The following ADK variants were observed in gnomAD, a reference collection of about 807,000 sequenced individuals.
ADK encodes the protein adenosine kinase.
In ADK, 24 loss-of-function variants were observed where a neutral mutation model predicts 44.7. The ratio of observed to expected loss-of-function variants is 0.54; its 90% CI spans 0.39 to 0.76. The LOEUF is 0.76. Ranked by LOEUF, ADK falls within the 30% of genes least tolerant of loss-of-function variation. ADK has a pLI of 0.00. For missense variants in ADK, 321 were observed against 425.1 expected (o/e 0.76, Z 2.15); for synonymous variants, 128 against 142.6 (o/e 0.90, Z 0.73).
At chr10:74,388,067 C>A (rs991485723) in intron 4 of ADK, among the ~76,000 whole-genome samples, 1 of 152,044 alleles carries the variant, frequency 6.6e-6, no homozygotes, top group African/African-American at 2.4e-5. Context: ...CGCCACTATG[C>A]CTGGTTAATT....
chr10:74,175,665 C>T (rs577532859), intron 1 of ADK, among the ~76,000 whole-genome samples: 2 of 151,990 alleles, frequency 1.3e-5, no homozygotes, highest in African/African-American at 2.4e-5. Flanking sequence ...GTCGTTCACA[C>T]CTATATTCCC....
chr10:74,159,144 T>C (rs988671622), intron 1 of ADK, among the ~76,000 whole-genome samples: 1 of 152,268 alleles, frequency 6.6e-6, no homozygotes, highest in African/African-American at 2.4e-5. Context: ...ACACTTCAGA[T>C]CTAGAAGCAA....
chr10:74,168,555 A>AG (rs1482215313), intron 1 of ADK, among the ~76,000 whole-genome samples: 2 of 148,194 alleles, frequency 1.3e-5, no homozygotes, highest in African/African-American at 5.1e-5. Flanking sequence ...AAAAAAAGAA[A>AG]GAAAGAAAAA....
chr10:74,388,025 C>T (rs966477289), intron 4 of ADK, among the ~76,000 whole-genome samples: 1 of 152,176 alleles, frequency 6.6e-6, no homozygotes, highest in Admixed American at 6.5e-5. Context: ...CTCCTTACCT[C>T]AGCCTCCTGA....
chr10:74,232,745 C>T (rs1471037447), intron 3 of ADK, among the ~76,000 whole-genome samples: 1 of 152,152 alleles, frequency 6.6e-6, no homozygotes, highest in African/African-American at 2.4e-5. Context: ...CCTGCCTCAG[C>T]TTCCCAAGTA....
At chr10:74,629,345 G>T (rs1385853322) in intron 9 of ADK, among the ~76,000 whole-genome samples, 1 of 152,030 alleles carries the variant, frequency 6.6e-6, no homozygotes, top group African/African-American at 2.4e-5. Flanking sequence ...CCCTTGTCAG[G>T]ACTAGCTTAG....
intron 3 of ADK, among the ~76,000 whole-genome samples, chr10:74,231,218 T>C (rs2132266610): frequency 6.6e-6 from 1 of 152,350 alleles, no homozygotes; most frequent in East Asian, 1.9e-4. Context: ...GTCAGCTTGA[T>C]ACAAAAGCTC....
chr10:74,184,766 C>G (rs1007150318), intron 1 of ADK, among the ~76,000 whole-genome samples: 1 of 152,182 alleles, frequency 6.6e-6, no homozygotes, highest in Non-Finnish European at 1.5e-5. Flanking sequence ...AATAAATTAT[C>G]TGGTCACCTA....
chr10:74,515,018 G>A (rs1032080165), intron 6 of ADK, among the ~76,000 whole-genome samples: 1 of 151,900 alleles, frequency 6.6e-6, no homozygotes, highest in Non-Finnish European at 1.5e-5. Flanking sequence ...TAGAGACAGG[G>A]TTTCACCATG....
intron 4 of ADK, among the ~76,000 whole-genome samples, chr10:74,346,755 A>G (rs1841779863): frequency 6.6e-6 from 1 of 152,118 alleles, no homozygotes; most frequent in African/African-American, 2.4e-5. Flanking sequence ...GAATGAATTG[A>G]AGAAGAGAAG....
intron 3 of ADK, among the ~76,000 whole-genome samples, chr10:74,267,958 T>G (rs1846280019): frequency 6.6e-6 from 1 of 152,068 alleles, no homozygotes; most frequent in South Asian, 2.1e-4. Context: ...CCAAAGAAAA[T>G]TTGGATCTTA....
At chr10:74,689,022 A>G (rs1482169383) in intron 10 of ADK, among the ~76,000 whole-genome samples, 2 of 152,024 alleles carry the variant, frequency 1.3e-5, no homozygotes, top group Non-Finnish European at 2.9e-5. Context: ...GGAGGCCGAG[A>G]CCGGATCATG....
intron 10 of ADK, among the ~76,000 whole-genome samples, chr10:74,696,356 T>G (rs2134284680): frequency 6.6e-6 from 1 of 151,044 alleles, no homozygotes; most frequent in South Asian, 2.1e-4. Context: ...TTTTATTTAT[T>G]TATTTTTGTT....
chr10:74,300,234 CTT>C (rs1491443035), intron 3 of ADK, among the ~76,000 whole-genome samples: 21 of 76,288 alleles, frequency 2.8e-4, no homozygotes, highest in African/African-American at 7.9e-4. Flanking sequence ...TTGTTTCTTT[CTT>C]TCTCTCTCTC....
At chr10:74,492,215 C>T (rs1413252019) in intron 6 of ADK, among the ~76,000 whole-genome samples, 1 of 152,130 alleles carries the variant, frequency 6.6e-6, no homozygotes, top group Non-Finnish European at 1.5e-5. Context: ...ACTGTCTTAT[C>T]TAGAGATCTT....
chr10:74,637,598 A>G (rs1417376772), intron 9 of ADK, among the ~76,000 whole-genome samples: 1 of 152,242 alleles, frequency 6.6e-6, no homozygotes, highest in Admixed American at 6.5e-5. Flanking sequence ...CATCCTTAGC[A>G]GAATACTTGA....
chr10:74,300,729 A>ACAC, intron 3 of ADK, among the ~76,000 whole-genome samples: 1 of 152,194 alleles, frequency 6.6e-6, no homozygotes, highest in Non-Finnish European at 1.5e-5. Flanking sequence ...TGTAAAACTT[A>ACAC]TACTATGGTA....
At chr10:74,179,782 T>C (rs1014233557) in intron 1 of ADK, among the ~76,000 whole-genome samples, 6 of 152,232 alleles carry the variant, frequency 3.9e-5, no homozygotes, top group African/African-American at 9.6e-5. Context: ...ACCCGTGCTC[T>C]GTCTTTGGAA....
intron 6 of ADK, among the ~76,000 whole-genome samples, chr10:74,407,092 A>G (rs1481555354): frequency 1.3e-5 from 2 of 151,550 alleles, no homozygotes; most frequent in African/African-American, 4.9e-5. Flanking sequence ...AAGTAACTGG[A>G]ACTGCAGGAG....
Sources: gnomAD v4.1 joint callset for allele counts (sites outside exome capture counted in the v4.1 genomes callset) on GRCh38, gnomAD v4.1.1 for gene constraint, MANE v1.5 for transcripts, NCBI Gene and HGNC (gene_info 2026-07-23, HGNC 2026-07-21) for gene names.